Variants in CEP85 observed in about 807,000 individuals in gnomAD.
CEP85 encodes centrosomal protein of 85 kDa.
In CEP85, 58 loss-of-function variants were observed where a neutral mutation model predicts 93.7. That is an observed-to-expected ratio of 0.62 (90% CI 0.50 to 0.77). The LOEUF (loss-of-function observed/expected upper bound fraction) is 0.77. Among genes scored for constraint, CEP85 ranks in the 30% least tolerant of loss-of-function variants. The probability of loss-of-function intolerance (pLI) is 0.00; values close to 1 mark genes in which losing one functional copy is unlikely to be tolerated. For synonymous variants in CEP85, 314 were observed against 338.6 expected (o/e 0.93, Z 0.80); for missense variants, 868 against 922.0 (o/e 0.94, Z 0.76).
At chr1:26,239,942 T>A (rs2089396278) in intron 2 of CEP85, 104 bp downstream of exon 2, 1 of 833,446 alleles carries the variant, frequency 1.2e-6, no homozygotes, top group Non-Finnish European at 2.0e-6. Flanking sequence ...GAAATGCTGG[T>A]GCTAAAAGAA....
rs2090035273 is a variant in CEP85, at chr1:26,275,137, C to G, written c.1902+66C>G. On this transcript the variant is annotated intron_variant, in intron 12 of 13. Transcript: ENST00000451429. ...AACCCGATTTCTTTGTTTGCCCTCC[C>G]CATCTCTACCCCAATAAGAGCCCCA... 11 of 1,161,950 alleles carry G rather than the reference C, an allele frequency of 9.5e-6. No individual in the cohort carries two copies. The South Asian group carries it at 1.3e-4, about 14-fold the overall frequency. The allele number at this position is 1,161,950 out of a possible 1,614,324, so 72.0% of individuals were successfully genotyped here.
chr1:26,241,485 C>T (rs1176565296), intron 2 of CEP85, among the ~76,000 whole-genome samples: 1 of 152,122 alleles, frequency 6.6e-6, no homozygotes, highest in East Asian at 1.9e-4. Context: ...ACCTTGTGAT[C>T]TGCCCGCCTG....
chr1:26,258,681 C>T (rs562525486), intron 6 of CEP85, among the ~76,000 whole-genome samples: 2 of 152,172 alleles, frequency 1.3e-5, no homozygotes, highest in East Asian at 3.9e-4. Context: ...ACTGCAACCT[C>T]CGCCTCCCGG....
chr1:26,257,612 A>G lies in CEP85; in HGVS notation c.919A>G (p.Ile307Val). ...TGCCTTTCAGCTTCAGAATGGAGCC[A>G]TCTGCCACCATCCTGCTGCTTTTGG... is the stretch of plus-strand genomic sequence containing the variant. ...MEQMQLQNGA[I>V]CHHPAAFGPS... Residue 307 changes from isoleucine to valine, a missense_variant, in exon 5 of 14, where the codon ATC (isoleucine) becomes GTC (valine). Physicochemically the swap from Ile to Val is conservative, Grantham distance 29 (BLOSUM62 3). Coordinates refer to ENST00000451429, the MANE Select transcript of CEP85 (RefSeq NM_001319944.2). 2 of 1,614,198 alleles carry G rather than the reference A, an allele frequency of 1.2e-6. No homozygotes were observed. The highest frequency in any genetic ancestry group is 1.7e-6 in the Non-Finnish European group (2 of 1,180,020).
Position 26,275,038 on chromosome 1 carries a change from A to G in CEP85, c.1869A>G (p.Ser623=). Residue 623 remains serine (S), a synonymous_variant, in exon 12 of 14, where the codon TCA becomes TCG. Transcript: ENST00000451429. The part of the protein sequence containing the change: ...ALREEAQRRD[S]ALQQLRTAVK... ...GAGAGGAGGCCCAGCGAAGGGATTC[A>G]GCCCTGCAGCAGCTGCGCACAGCCG... The G allele has an allele frequency of 4.4e-6, 7 of 1,583,534 alleles. No homozygotes were observed. The highest frequency in any genetic ancestry group is 6.0e-6 in the Non-Finnish European group (7 of 1,164,798).
intron 11 of CEP85, among the ~76,000 whole-genome samples, chr1:26,272,792 C>T (rs1161870929): frequency 6.6e-6 from 1 of 151,916 alleles, no homozygotes; most frequent in Admixed American, 6.6e-5. Flanking sequence ...TCACGCCCGG[C>T]TAATTTTTGT....
intron 5 of CEP85, 63 bp downstream of exon 5, chr1:26,257,793 A>C: frequency 6.4e-7 from 1 of 1,551,344 alleles, no homozygotes; most frequent in Non-Finnish European, 8.8e-7. Context: ...AAGACACCTA[A>C]TGGAGTCTTC....
chr1:26,277,127 C>T lies in CEP85; in HGVS notation c.2129-9C>T, dbSNP rs770083562. The T allele has an allele frequency of 5.0e-6, 8 of 1,610,558 alleles. No individual in the cohort carries two copies. Among genetic ancestry groups the T allele is most frequent in the Non-Finnish European group, 5.1e-6 (6 of 1,176,924 alleles). On this transcript the variant is annotated splice_polypyrimidine_tract_variant and intron_variant, in intron 13 of 13. Coordinates refer to ENST00000451429, the MANE Select transcript of CEP85 (RefSeq NM_001319944.2). ...TAACATTCTCTTGAAATGCTCTTCTCCCCAGCAGCACAGCACCCAGAGACT... is the reference window on the plus strand; with the variant it reads ...TAACATTCTCTTGAAATGCTCTTCTTCCCAGCAGCACAGCACCCAGAGACT...
chr1:26,277,074 C>G, intron 13 of CEP85, 62 bp from the exon 14 acceptor site: 1 of 1,525,720 alleles, frequency 6.6e-7, no homozygotes, highest in South Asian at 1.1e-5. Flanking sequence ...ATCCATACTG[C>G]ACCCTCCACA....
intron 9 of CEP85, 37 bp downstream of exon 9, chr1:26,269,651 T>C: frequency 6.4e-7 from 1 of 1,574,592 alleles, no homozygotes; most frequent in South Asian, 1.1e-5. Context: ...AGTGGAGAGT[T>C]AAGTTTTTTG....
intron 1 of CEP85, among the ~76,000 whole-genome samples, chr1:26,236,394 C>CT (rs1417786817): frequency 0.021 from 2,972 of 141,000 alleles, 88 homozygotes; most frequent in African/African-American, 0.069. Context: ...CTGTTGGGTG[C>CT]TTTTTTTTTT....
chr1:26,269,988 C>T (rs890289031), intron 9 of CEP85, among the ~76,000 whole-genome samples: 3 of 151,914 alleles, frequency 2.0e-5, no homozygotes, highest in Non-Finnish European at 1.5e-5. Flanking sequence ...CGGGGTTTCA[C>T]CGTGGTCTCG....
chr1:26,244,388 G>A, intron 3 of CEP85, 70 bp downstream of exon 3: 1 of 1,366,660 alleles, frequency 7.3e-7, no homozygotes, highest in South Asian at 1.2e-5. Context: ...GGGTATATTG[G>A]CATTTCCAGA....
intron 11 of CEP85, 84 bp downstream of exon 11, chr1:26,272,155 C>A: frequency 2.9e-6 from 4 of 1,366,996 alleles, no homozygotes; most frequent in Non-Finnish European, 2.1e-6. Flanking sequence ...TTGTTCTCTG[C>A]CATGCAGGTT....
At chr1:26,240,002 A>G (rs565516534) in intron 2 of CEP85, among the ~76,000 whole-genome samples, 164 bp downstream of exon 2, 1 of 152,346 alleles carries the variant, frequency 6.6e-6, no homozygotes, top group Non-Finnish European at 1.5e-5. Flanking sequence ...CTCTGAGGGA[A>G]CAAGTATTTA....
At position 26,272,017 on chromosome 1, in the gene CEP85, T is replaced by G. The variant is rs74064612; in HGVS notation, c.1744-4T>G. ...CAGCCTTCCTTGATAACTTTGCCTT[T>G]CAGATTGTGGAGAAGCAGCAGCAGA... On this transcript the variant is annotated splice_region_variant and splice_polypyrimidine_tract_variant and intron_variant, in intron 10 of 13. Transcript: ENST00000451429. 7.5e-4 allele frequency: 1,203 copies of G among 1,613,996 alleles called. 6 individuals carry two copies. In the African/African-American group the frequency reaches 0.013, roughly 18 times the overall value.
intron 4 of CEP85, among the ~76,000 whole-genome samples, chr1:26,256,195 T>A (rs17163770): frequency 0.18 from 27,104 of 152,144 alleles, 3,112 homozygotes; most frequent in African/African-American, 0.31. Flanking sequence ...CTTACCAGGT[T>A]CTTAGACTAC....
intron 7 of CEP85, among the ~76,000 whole-genome samples, chr1:26,266,344 G>A (rs1385894768): frequency 3.9e-5 from 6 of 152,180 alleles, no homozygotes; most frequent in Non-Finnish European, 5.9e-5. Flanking sequence ...CTGTGTCCGT[G>A]TCACTGCACT....
chr1:26,238,667 T>C (rs2089370122), intron 1 of CEP85, among the ~76,000 whole-genome samples: 1 of 152,232 alleles, frequency 6.6e-6, no homozygotes, highest in Non-Finnish European at 1.5e-5. Flanking sequence ...TGAATTAACA[T>C]GAATTAGGTT....
Sources: allele counts gnomAD v4.1 joint callset (sites outside exome capture counted in the v4.1 genomes callset), GRCh38; gene constraint gnomAD v4.1.1; transcripts MANE v1.5; gene names NCBI Gene and HGNC (gene_info 2026-07-23, HGNC 2026-07-21).